NUP210: variants seen among roughly 807,000 people sequenced by gnomAD.
NUP210 encodes nuclear pore membrane glycoprotein 210.
Under a neutral mutation model 196.0 loss-of-function variants are expected in NUP210, and 151 were observed. The ratio of observed to expected loss-of-function variants is 0.77; its 90% CI spans 0.67 to 0.88. NUP210 has a LOEUF of 0.88. Among genes scored for constraint, NUP210 ranks in the 40% least tolerant of loss-of-function variants. The pLI, the probability that NUP210 is intolerant of heterozygous loss-of-function variation, is 0.00. For missense variants in NUP210, 2,314 were observed against 2,493.7 expected, an observed-to-expected ratio of 0.93 and a Z score of 1.53; for synonymous variants, 1,070 against 1,052.7, an observed-to-expected ratio of 1.02 and a Z score of -0.32.
chr3:13,330,620 G>A lies in NUP210; in HGVS notation c.3950C>T (p.Ser1317Phe). ...KLQTNRDGAA[S>F]LSYRVLDGPE... Reference sequence around the variant, plus strand: ...TCCATCCAGGACGCGGTAGCTCAGAGAGGCTGCACCATCCCTTTGGAAAAC... The same window carrying A: ...TCCATCCAGGACGCGGTAGCTCAGAAAGGCTGCACCATCCCTTTGGAAAAC... The change falls in exon 30 of 40, where the codon TCT (serine) becomes TTT (phenylalanine). Residue 1317 changes from serine to phenylalanine, a missense_variant. Coordinates refer to ENST00000254508, the MANE Select transcript of NUP210 (RefSeq NM_024923.4). 6.2e-7 allele frequency: 1 copy of A among 1,614,040 alleles called. No individual in the cohort carries two copies. The highest frequency in any genetic ancestry group is 1.7e-4 in the Middle Eastern group (1 of 6,052).
rs755749302 is a variant in NUP210 at position 13,376,299 on chromosome 3, C to A, written c.1285G>T (p.Val429Leu). Residue 429 changes from valine (V) to leucine (L), a missense_variant, in exon 10 of 40, where the codon GTG becomes TTG. Transcript: ENST00000254508. Reference protein sequence around the residue: ...TAIDAALTSVVDQDGGVHILQ... With the variant: ...TAIDAALTSVLDQDGGVHILQ... The stretch of plus-strand genomic sequence containing the variant: ...GGGAGACACCAACTTGCCTGGTCCA[C>A]CACAGAGGTGAGGGCCGCGTCAATG... 6.2e-7 allele frequency: 1 copy of A among 1,613,612 alleles called. No individual in the cohort carries two copies. Among genetic ancestry groups the A allele is most frequent in the South Asian group, 1.1e-5 (1 of 91,054 alleles).
At position 13,386,302 on chromosome 3, in the gene NUP210, G is replaced by T; in HGVS notation, c.790C>A (p.Gln264Lys). ...MVGTSIHYKV[Q>K]KIRQGKITEL... ...GTAATTTTCCCTTGCCTGATCTTCTGCACCTTGTAGTGAATGGAGGTTCCC... is the reference window on the plus strand; with the variant it reads ...GTAATTTTCCCTTGCCTGATCTTCTTCACCTTGTAGTGAATGGAGGTTCCC... The change falls in exon 6 of 40, where the codon CAG (glutamine) becomes AAG (lysine). Residue 264 changes from glutamine (Q) to lysine (K), a missense_variant. By Grantham distance (53) the Gln-to-Lys change is moderately conservative. Transcript: ENST00000254508. 6.2e-7 allele frequency: 1 copy of T among 1,614,084 alleles called. No homozygotes were observed.
chr3:13,351,889 C>G lies in NUP210; in HGVS notation c.2825G>C (p.Gly942Ala). ...VVKVAYQEAR[G>A]VAMVHPLLPG... ...ATGGCCCAAGCTTACCATGGCGACA[C>G]CCCTGGCCTCCTGGTAGGCCACCTT... The change falls in exon 20 of 40, where the codon GGT becomes GCT. Residue 942 changes from glycine (G) to alanine (A), a missense_variant. By Grantham distance (60) the Gly-to-Ala change is moderately conservative (BLOSUM62 0). Coordinates refer to ENST00000254508, the MANE Select transcript of NUP210 (RefSeq NM_024923.4). 6.2e-7 allele frequency: 1 copy of G among 1,611,052 alleles called. No individual in the cohort carries two copies. The highest frequency in any genetic ancestry group is 8.5e-7 in the Non-Finnish European group (1 of 1,177,274).
At chr3:13,370,173 A>G (rs185392392) in intron 13 of NUP210, among the ~76,000 whole-genome samples, 1 of 152,088 alleles carries the variant, frequency 6.6e-6, no homozygotes, top group Non-Finnish European at 1.5e-5. Flanking sequence ...ACATATTTTC[A>G]TACAGCCTGG....
At chr3:13,333,429 G>A (rs1697081913) in intron 28 of NUP210, among the ~76,000 whole-genome samples, 1 of 152,216 alleles carries the variant, frequency 6.6e-6, no homozygotes, top group Non-Finnish European at 1.5e-5. Context: ...TGAGCCCTGG[G>A]CCATGGCCAA....
intron 1 of NUP210, among the ~76,000 whole-genome samples, chr3:13,407,860 C>A (rs1423653055): frequency 6.6e-6 from 1 of 152,194 alleles, no homozygotes. Flanking sequence ...GCCAAGGACA[C>A]AACTAAGTAC....
At chr3:13,411,571 TCTC>T (rs1333456208) in intron 1 of NUP210, among the ~76,000 whole-genome samples, 3 of 151,628 alleles carry the variant, frequency 2.0e-5, no homozygotes, top group Non-Finnish European at 4.4e-5. Context: ...CACCCCCACA[TCTC>T]CTCTGCAACA....
At chr3:13,414,656 C>T (rs1348971806) in intron 1 of NUP210, among the ~76,000 whole-genome samples, 1 of 152,188 alleles carries the variant, frequency 6.6e-6, no homozygotes, top group East Asian at 1.9e-4. Context: ...TTCTGACAAG[C>T]TCTATCTCTC....
intron 1 of NUP210, among the ~76,000 whole-genome samples, chr3:13,411,783 C>T (rs1422757610): frequency 1.3e-5 from 2 of 152,252 alleles, no homozygotes; most frequent in Non-Finnish European, 2.9e-5. Flanking sequence ...TCTTATCACC[C>T]AGGCTGGAGT....
intron 14 of NUP210, among the ~76,000 whole-genome samples, chr3:13,362,426 A>T (rs560917243): frequency 1.3e-5 from 2 of 152,182 alleles, no homozygotes; most frequent in Non-Finnish European, 2.9e-5. Flanking sequence ...TGAGGAAGGA[A>T]GCCCTCACCA....
At chr3:13,395,625 C>A (rs1404086193) in intron 3 of NUP210, among the ~76,000 whole-genome samples, 3 of 152,180 alleles carry the variant, frequency 2.0e-5, no homozygotes, top group African/African-American at 4.8e-5. Context: ...GCCTGTATTT[C>A]CTTCTTTTTG....
intron 3 of NUP210, among the ~76,000 whole-genome samples, chr3:13,392,401 C>A (rs1699520656): frequency 6.6e-6 from 1 of 152,182 alleles, no homozygotes; most frequent in Non-Finnish European, 1.5e-5. Context: ...AGACAACCCC[C>A]ATCTATGATG....
chr3:13,345,165 C>G, intron 20 of NUP210: 1 of 985,452 alleles, frequency 1.0e-6, no homozygotes, highest in Non-Finnish European at 1.2e-6. Flanking sequence ...GGTCATGGAA[C>G]CTGGTGCTCC....
chr3:13,399,747 G>A lies in NUP210; in HGVS notation c.282C>T (p.Ser94=). 6.2e-7 allele frequency: 1 copy of A among 1,614,180 alleles called. No individual in the cohort carries two copies. Residue 94 remains serine, a synonymous_variant, in exon 2 of 40, where the codon AGC becomes AGT. Coordinates refer to ENST00000254508, the MANE Select transcript of NUP210 (RefSeq NM_024923.4). Reference sequence around the variant, plus strand: ...TACTGATGTCCTCTGCGAAGATGATGCTGGTGAGGCGGGCAGGCTGGGTCA... The same window carrying A: ...TACTGATGTCCTCTGCGAAGATGATACTGGTGAGGCGGGCAGGCTGGGTCA... ...ARLTQPARLT[S]IIFAEDITTG...
intron 20 of NUP210, among the ~76,000 whole-genome samples, chr3:13,349,190 G>T (rs1176240234): frequency 2.0e-5 from 3 of 152,200 alleles, no homozygotes; most frequent in Admixed American, 6.5e-5. Context: ...CGTGAAATAA[G>T]ATGCCCATCC....
At chr3:13,389,605 T>C (rs1354260407) in intron 4 of NUP210, among the ~76,000 whole-genome samples, 1 of 152,108 alleles carries the variant, frequency 6.6e-6, no homozygotes, top group Non-Finnish European at 1.5e-5. Flanking sequence ...GCAGGCTGTC[T>C]CCACAAGGGC....
chr3:13,367,156 GC>G (rs1698566849), intron 13 of NUP210, among the ~76,000 whole-genome samples: 1 of 148,184 alleles, frequency 6.7e-6, no homozygotes, highest in African/African-American at 2.5e-5. Context: ...TTAATTCACG[GC>G]CGGGCATGGT....
chr3:13,339,149 A>T (rs566303477), intron 25 of NUP210, among the ~76,000 whole-genome samples: 2 of 152,086 alleles, frequency 1.3e-5, no homozygotes, highest in East Asian at 3.9e-4. Context: ...AAATCAATGA[A>T]CTCAATGACG....
intron 20 of NUP210, among the ~76,000 whole-genome samples, chr3:13,344,480 A>G (rs1422182398): frequency 2.0e-5 from 3 of 152,234 alleles, no homozygotes; most frequent in Non-Finnish European, 2.9e-5. Flanking sequence ...GAGGTTTTAA[A>G]GTAAGCACTT....
Sources: gnomAD v4.1 joint callset for allele counts (sites outside exome capture counted in the v4.1 genomes callset) on GRCh38, gnomAD v4.1.1 for gene constraint, MANE v1.5 for transcripts, NCBI Gene and HGNC (gene_info 2026-07-23, HGNC 2026-07-21) for gene names.